The following PTPRD variants were observed in gnomAD, a reference collection of about 807,000 sequenced individuals.
PTPRD encodes receptor-type tyrosine-protein phosphatase delta.
A neutral mutation model predicts 214.5 loss-of-function variants in PTPRD; 34 were observed. The ratio of observed to expected loss-of-function variants is 0.16; its 90% CI spans 0.12 to 0.21. PTPRD has a LOEUF of 0.21. Ranked by LOEUF, PTPRD falls within the 10% of genes least tolerant of loss-of-function variation. The pLI is 1.00. For missense variants in PTPRD, 2,545 were observed against 2,398.7 expected (o/e 1.06, Z -1.27); for synonymous variants, 1,128 against 845.7 (o/e 1.33, Z -5.79).
intron 7 of PTPRD, among the ~76,000 whole-genome samples, chr9:9,730,351 C>T (rs2098167112): frequency 6.6e-6 from 1 of 151,950 alleles, no homozygotes; most frequent in South Asian, 2.1e-4. Context: ...ATGAAACAGC[C>T]ATTAATCATC....
intron 33 of PTPRD, among the ~76,000 whole-genome samples, chr9:8,453,183 G>A (rs1003592991): frequency 1.3e-5 from 2 of 152,064 alleles, no homozygotes; most frequent in Admixed American, 6.6e-5. Flanking sequence ...ATGATGAAAG[G>A]TACGGAGTCC....
chr9:9,510,784 A>G (rs1192626841), intron 8 of PTPRD, among the ~76,000 whole-genome samples: 1 of 151,670 alleles, frequency 6.6e-6, no homozygotes, highest in African/African-American at 2.4e-5. Flanking sequence ...TAATAAAATA[A>G]AATAGTGGCA....
At chr9:9,100,578 AT>A (rs1324060618) in intron 10 of PTPRD, among the ~76,000 whole-genome samples, 3 of 152,284 alleles carry the variant, frequency 2.0e-5, no homozygotes, top group Non-Finnish European at 4.4e-5. Context: ...CACATTTATC[AT>A]TTGTTTGTTT....
At chr9:9,980,397 C>G (rs1183577061) in intron 4 of PTPRD, among the ~76,000 whole-genome samples, 2 of 151,780 alleles carry the variant, frequency 1.3e-5, no homozygotes, top group Non-Finnish European at 2.9e-5. Context: ...CACCTGAGGT[C>G]AGGAGTTCAA....
intron 11 of PTPRD, among the ~76,000 whole-genome samples, chr9:8,837,460 C>T (rs929739000): frequency 6.6e-6 from 1 of 152,042 alleles, no homozygotes; most frequent in Admixed American, 6.6e-5. Flanking sequence ...AATAGGCATT[C>T]TCACATCAGA....
At chr9:9,765,820 C>G (rs2098702389) in intron 6 of PTPRD, among the ~76,000 whole-genome samples, 1 of 151,122 alleles carries the variant, frequency 6.6e-6, no homozygotes, top group African/African-American at 2.4e-5. Context: ...ACCACCACCC[C>G]TGGCTAATTT....
At chr9:9,718,111 C>A (rs191697916) in intron 7 of PTPRD, among the ~76,000 whole-genome samples, 1 of 152,118 alleles carries the variant, frequency 6.6e-6, no homozygotes, top group African/African-American at 2.4e-5. Context: ...TACAAATATC[C>A]TTCTTTAGTT....
At chr9:9,414,982 C>G (rs2076569738) in intron 8 of PTPRD, among the ~76,000 whole-genome samples, 2 of 152,214 alleles carry the variant, frequency 1.3e-5, no homozygotes, top group African/African-American at 2.4e-5. Flanking sequence ...TAATGCTTTA[C>G]TTTTGCCTTC....
chr9:9,281,934 C>G (rs892488510), intron 9 of PTPRD, among the ~76,000 whole-genome samples: 4 of 151,050 alleles, frequency 2.6e-5, no homozygotes, highest in Non-Finnish European at 5.9e-5. Flanking sequence ...TATTATTCAA[C>G]ATGAGTTATC....
chr9:9,583,041 A>C (rs755038425), intron 7 of PTPRD, among the ~76,000 whole-genome samples: 1 of 152,084 alleles, frequency 6.6e-6, no homozygotes. Context: ...AATAAATAGT[A>C]TAGGCTGGAA....
At chr9:9,179,552 C>G (rs1328584820) in intron 10 of PTPRD, among the ~76,000 whole-genome samples, 2 of 152,130 alleles carry the variant, frequency 1.3e-5, no homozygotes, top group Admixed American at 1.3e-4. Flanking sequence ...TAAATACCCT[C>G]TAACATTCTC....
chr9:9,968,237 T>C (rs893700707), intron 4 of PTPRD, among the ~76,000 whole-genome samples: 5 of 152,186 alleles, frequency 3.3e-5, no homozygotes, highest in African/African-American at 1.2e-4. Flanking sequence ...GGCCACAGAT[T>C]TTTCAACTTC....
chr9:10,469,408 A>G (rs1187800516), intron 2 of PTPRD, among the ~76,000 whole-genome samples: 2 of 152,218 alleles, frequency 1.3e-5, no homozygotes, highest in East Asian at 3.8e-4. Flanking sequence ...GTGCAGAAGC[A>G]GAGAGAAATC....
At chr9:8,520,624 CCT>C (rs774108066) in intron 20 of PTPRD, among the ~76,000 whole-genome samples, 2 of 152,084 alleles carry the variant, frequency 1.3e-5, no homozygotes, top group Non-Finnish European at 2.9e-5. Context: ...AAAACGGTAC[CCT>C]TACATGCTTG....
chr9:8,322,499 TAAATC>T lies in PTPRD; in HGVS notation c.5535-2538_5535-2534del, dbSNP rs1449493613. ...GATCAAATCATTTACAACATTCCCT[TAAATC>T]AAAGCCTAGGCCAGAGCAAGGCCCT... is the stretch of plus-strand genomic sequence containing the variant. On this transcript the variant is annotated intron_variant, in intron 44 of 45. Transcript: ENST00000381196. Among the ~76,000 whole-genome samples the T allele has an allele frequency of 2.0e-5, 3 of 152,158 alleles. No homozygotes were observed. In the East Asian group the frequency reaches 5.8e-4, roughly 29 times the overall value.
rs751545634 is a variant in PTPRD, at chr9:8,314,621, G to C, written c.*3253C>G. 8.7e-6 allele frequency: 2 copies of C among 231,036 alleles called. No homozygotes were observed. The highest frequency in any genetic ancestry group is 1.7e-5 in the Non-Finnish European group (2 of 116,996). 14.3% of individuals were successfully genotyped at this position (231,036 alleles called of 1,614,324 possible). ...TATCAGGGCACCCATAAACCCAAAAGGAACCAAAACCCAAAAAGAAAAACA... is the reference window on the plus strand; with the variant it reads ...TATCAGGGCACCCATAAACCCAAAACGAACCAAAACCCAAAAAGAAAAACA... On this transcript the variant is annotated 3_prime_UTR_variant, in exon 46 of 46. Coordinates refer to ENST00000381196, the MANE Select transcript of PTPRD (RefSeq NM_002839.4).
chr9:9,585,726 C>T (rs1479225110), intron 7 of PTPRD, among the ~76,000 whole-genome samples: 1 of 151,928 alleles, frequency 6.6e-6, no homozygotes, highest in East Asian at 1.9e-4. Flanking sequence ...GAAGAAAGAC[C>T]ATCCAGATGT....
intron 3 of PTPRD, among the ~76,000 whole-genome samples, chr9:10,131,622 T>C (rs1204109924): frequency 3.3e-5 from 5 of 152,190 alleles, no homozygotes; most frequent in Non-Finnish European, 5.9e-5. Flanking sequence ...TTTATAATTA[T>C]ATATGAAGGA....
At chr9:10,570,857 C>G (rs565248166) in intron 2 of PTPRD, among the ~76,000 whole-genome samples, 5 of 151,984 alleles carry the variant, frequency 3.3e-5, no homozygotes, top group African/African-American at 1.2e-4. Context: ...GGAGGCACTC[C>G]CAGTTGCAAA....
Sources: allele counts gnomAD v4.1 joint callset (sites outside exome capture counted in the v4.1 genomes callset), GRCh38; gene constraint gnomAD v4.1.1; transcripts MANE v1.5; gene names NCBI Gene and HGNC (gene_info 2026-07-23, HGNC 2026-07-21).